Variants in ATAD2B observed in about 807,000 individuals in gnomAD.
ATAD2B encodes the protein ATPase family AAA domain containing 2B.
A neutral mutation model predicts 167.6 loss-of-function variants in ATAD2B; 40 were observed. That is an observed-to-expected ratio of 0.24 (90% CI 0.19 to 0.31). The LOEUF (loss-of-function observed/expected upper bound fraction) is 0.31, where lower values mean the gene tolerates loss of function less well. ATAD2B is among the 10% of genes least tolerant of loss of function. The pLI, the probability that ATAD2B is intolerant of heterozygous loss-of-function variation, is 1.00. For synonymous variants in ATAD2B, 579 were observed against 596.5 expected, an observed-to-expected ratio of 0.97 and a Z score of 0.43; for missense variants, 1,242 against 1,757.2, an observed-to-expected ratio of 0.71 and a Z score of 5.24.
chr2:23,894,681 A>C (rs1380436276), intron 2 of ATAD2B, among the ~76,000 whole-genome samples: 1 of 152,200 alleles, frequency 6.6e-6, no homozygotes, highest in African/African-American at 2.4e-5. Context: ...AAGGATAGAG[A>C]TTATAACAGG....
chr2:23,899,917 ACT>A (rs1700602109), intron 1 of ATAD2B, among the ~76,000 whole-genome samples: 1 of 98,136 alleles, frequency 1.0e-5, no homozygotes, highest in South Asian at 3.3e-4. Flanking sequence ...CAGTTTTCTT[ACT>A]TTTTTTTTTT....
the ATAD2B span, among the ~76,000 whole-genome samples, chr2:23,678,531 G>T: frequency 3.3e-5 from 5 of 152,196 alleles, no homozygotes; most frequent in African/African-American, 4.8e-5. Context: ...AGACCGGCCA[G>T]TCTCTGCCAA....
chr2:23,832,179 C>T (rs903093172), intron 14 of ATAD2B: 6 of 464,184 alleles, frequency 1.3e-5, no homozygotes, highest in Non-Finnish European at 2.7e-5. Context: ...GCTACCAGAA[C>T]ACCCCACTGT....
the ATAD2B span, chr2:23,697,936 G>A: frequency 6.6e-6 from 1 of 152,200 alleles, no homozygotes; most frequent in African/African-American, 2.4e-5. Flanking sequence ...AACTGAACTG[G>A]ATCCGTCATT....
At chr2:23,717,100 C>A in the ATAD2B span, among the ~76,000 whole-genome samples, 1 of 152,152 alleles carries the variant, frequency 6.6e-6, no homozygotes, top group African/African-American at 2.4e-5. Flanking sequence ...CACTGGACAA[C>A]ATCGAAAATA....
intron 12 of ATAD2B, among the ~76,000 whole-genome samples, chr2:23,862,413 T>G (rs1178216576): frequency 3.7e-5 from 4 of 108,984 alleles, no homozygotes; most frequent in Admixed American, 8.9e-5. Context: ...TTTTTTTTTT[T>G]TTTTTTTTTT....
rs1051480444 is a variant in ATAD2B, at chr2:23,772,171, C to T, written c.3134-6543G>A. On this transcript the variant is annotated intron_variant, in intron 22 of 27. Coordinates refer to ENST00000238789, the MANE Select transcript of ATAD2B (RefSeq NM_017552.4). The stretch of plus-strand genomic sequence containing the variant: ...GTGTCATGTGAGGGGGTAAATAAAT[C>T]GAGTCCCTTTTACTTCATCTTGGCC... Among the ~76,000 whole-genome samples, 6 of 151,422 alleles carry T rather than the reference C, an allele frequency of 4.0e-5. No homozygotes were observed. The South Asian group carries it at 6.2e-4, about 16-fold the overall frequency.
chr2:23,880,993 C>T (rs1005210909), intron 6 of ATAD2B, among the ~76,000 whole-genome samples: 1 of 152,208 alleles, frequency 6.6e-6, no homozygotes, highest in Non-Finnish European at 1.5e-5. Flanking sequence ...TTAATATGAT[C>T]ATATTTTATC....
the ATAD2B span, among the ~76,000 whole-genome samples, chr2:23,734,024 T>G: frequency 6.6e-6 from 1 of 152,168 alleles, no homozygotes; most frequent in Non-Finnish European, 1.5e-5. Flanking sequence ...ATTCTTTCAT[T>G]TTTTGAGATG....
At chr2:23,692,439 G>T in the ATAD2B span, among the ~76,000 whole-genome samples, 1 of 152,238 alleles carries the variant, frequency 6.6e-6, no homozygotes, top group Non-Finnish European at 1.5e-5. Context: ...ATGGGCGACG[G>T]CAAGGTGAGG....
intron 1 of ATAD2B, among the ~76,000 whole-genome samples, chr2:23,913,406 A>G (rs1384247133): frequency 2.0e-5 from 3 of 152,100 alleles, no homozygotes; most frequent in Non-Finnish European, 4.4e-5. Context: ...TTGGGAGGCC[A>G]AGGCGGGCAG....
the ATAD2B span, chr2:23,691,881 G>GC: frequency 2.6e-6 from 4 of 1,547,696 alleles, no homozygotes; most frequent in East Asian, 7.3e-5. Context: ...TTCTCGGTGA[G>GC]CCCGGGGGCC....
At chr2:23,804,186 A>T (rs1683960803) in intron 18 of ATAD2B, among the ~76,000 whole-genome samples, 1 of 152,226 alleles carries the variant, frequency 6.6e-6, no homozygotes, top group Non-Finnish European at 1.5e-5. Context: ...TTATTTAAAA[A>T]TTCCTCTTAC....
intron 8 of ATAD2B, chr2:23,872,413 C>G (rs1696134427): frequency 1.4e-6 from 1 of 711,818 alleles, no homozygotes; most frequent in Admixed American, 1.8e-5. Context: ...TTCAGAGAGA[C>G]CATCCAAATG....
intron 17 of ATAD2B, among the ~76,000 whole-genome samples, chr2:23,814,018 T>C (rs944615410): frequency 6.6e-6 from 1 of 152,092 alleles, no homozygotes; most frequent in Non-Finnish European, 1.5e-5. Flanking sequence ...CTTGGGAGGC[T>C]GAGTTGGGAG....
intron 22 of ATAD2B, among the ~76,000 whole-genome samples, chr2:23,777,977 T>C (rs999089015): frequency 2.0e-5 from 3 of 152,214 alleles, no homozygotes; most frequent in Admixed American, 1.3e-4. Flanking sequence ...TTTCCCCAAA[T>C]GGCCAAGTGT....
the ATAD2B span, among the ~76,000 whole-genome samples, chr2:23,714,408 T>TTTC: frequency 6.8e-6 from 1 of 146,216 alleles, no homozygotes; most frequent in African/African-American, 2.5e-5. Flanking sequence ...CCCGGCAAAT[T>TTTC]TTTTTTTTTT....
chr2:23,844,239 C>A (rs1283261781), intron 13 of ATAD2B, among the ~76,000 whole-genome samples: 2 of 151,834 alleles, frequency 1.3e-5, no homozygotes, highest in South Asian at 2.1e-4. Context: ...TGCGCCCAGC[C>A]GACAAATCTT....
chr2:23,866,432 T>G (rs965935452), intron 10 of ATAD2B, among the ~76,000 whole-genome samples: 1 of 151,960 alleles, frequency 6.6e-6, no homozygotes, highest in African/African-American at 2.4e-5. Context: ...GAAAAAGAAT[T>G]TAGTCTACTT....
Sources: gnomAD v4.1 joint callset for allele counts (sites outside exome capture counted in the v4.1 genomes callset) on GRCh38, gnomAD v4.1.1 for gene constraint, MANE v1.5 for transcripts, NCBI Gene and HGNC (gene_info 2026-07-23, HGNC 2026-07-21) for gene names.